PPFIA1: variants seen among roughly 807,000 people sequenced by gnomAD.
PPFIA1 encodes PPFI scaffold protein A1.
Under a neutral mutation model 149.9 loss-of-function variants are expected in PPFIA1, and 25 were observed. The observed-to-expected ratio is 0.17, with a 90% CI of 0.12 to 0.23. The LOEUF (loss-of-function observed/expected upper bound fraction) is 0.23, where lower values mean the gene tolerates loss of function less well. Ranked by LOEUF, PPFIA1 falls within the 10% of genes least tolerant of loss-of-function variation. PPFIA1 has a pLI of 1.00. For synonymous variants in PPFIA1, 549 were observed against 552.8 expected, an observed-to-expected ratio of 0.99 and a Z score of 0.10; for missense variants, 1,362 against 1,506.5, an observed-to-expected ratio of 0.90 and a Z score of 1.59.
intron 23 of PPFIA1, 70 bp downstream of exon 23, chr11:70,372,644 C>A: frequency 1.5e-6 from 2 of 1,292,314 alleles, no homozygotes; most frequent in Non-Finnish European, 2.2e-6. Context: ...TCAGTGACTT[C>A]CTATTTTTCA....
At chr11:70,326,074 C>T (rs1481242544) in intron 5 of PPFIA1, among the ~76,000 whole-genome samples, 188 bp from the exon 6 acceptor site, 1 of 152,152 alleles carries the variant, frequency 6.6e-6, no homozygotes, top group East Asian at 1.9e-4. Flanking sequence ...ACTCGTCTGG[C>T]CAGTGGATAA....
intron 21 of PPFIA1, among the ~76,000 whole-genome samples, chr11:70,368,180 G>A (rs2057051567): frequency 6.6e-6 from 1 of 152,138 alleles, no homozygotes; most frequent in South Asian, 2.1e-4. Flanking sequence ...GTAAGGTTTA[G>A]AAGAGTGAAT....
intron 7 of PPFIA1, chr11:70,327,074 G>A: frequency 2.3e-6 from 1 of 440,176 alleles, no homozygotes; most frequent in Non-Finnish European, 4.1e-6. Context: ...TGGCCATGAA[G>A]TGGACGCCAC....
At chr11:70,333,418 G>A in intron 9 of PPFIA1, 52 bp from the exon 10 acceptor site, 1 of 1,430,584 alleles carries the variant, frequency 7.0e-7, no homozygotes, top group Admixed American at 1.8e-5. Flanking sequence ...TATGCAGCAT[G>A]TCGTTAATGA....
At chr11:70,344,165 G>T (rs1007073080) in intron 15 of PPFIA1, among the ~76,000 whole-genome samples, 1 of 152,194 alleles carries the variant, frequency 6.6e-6, no homozygotes, top group Non-Finnish European at 1.5e-5. Flanking sequence ...TGAGAAGCTC[G>T]CCACATAGCT....
chr11:70,356,373 T>G (rs868220299), intron 19 of PPFIA1, 119 bp downstream of exon 19: 2 of 759,562 alleles, frequency 2.6e-6, no homozygotes, highest in Non-Finnish European at 4.3e-6. Flanking sequence ...TCTGAAAGCT[T>G]TACCTACAGC....
chr11:70,379,589 C>A, intron 26 of PPFIA1, among the ~76,000 whole-genome samples: 1 of 150,704 alleles, frequency 6.6e-6, no homozygotes. Flanking sequence ...CTAGCCTGGG[C>A]AACACAGTGA....
At chr11:70,306,172 C>T (rs1350193939) in intron 2 of PPFIA1, among the ~76,000 whole-genome samples, 3 of 151,842 alleles carry the variant, frequency 2.0e-5, no homozygotes, top group South Asian at 2.1e-4. Flanking sequence ...CGCTTACTTG[C>T]GAAGCAATCT....
At chr11:70,335,132 A>G (rs1270028225) in intron 10 of PPFIA1, among the ~76,000 whole-genome samples, 1 of 152,154 alleles carries the variant, frequency 6.6e-6, no homozygotes, top group Non-Finnish European at 1.5e-5. Flanking sequence ...TTTTTTTCCA[A>G]AACAAACTTT....
At chr11:70,338,831 C>T (rs11235953) in intron 13 of PPFIA1, among the ~76,000 whole-genome samples, 33,359 of 152,182 alleles carry the variant, frequency 0.22, 5,556 homozygotes, top group African/African-American at 0.46. Context: ...CTGTGTTTTT[C>T]GTCAGCCCTG....
Position 70,361,601 on chromosome 11 carries a change from G to A in PPFIA1, c.2583-494G>A, listed in dbSNP as rs544257509. On this transcript the variant is annotated intron_variant, in intron 19 of 27. Transcript: ENST00000253925. ...TGTATAATAGTGGTTCCTTGATTTT[G>A]TTTTTGCTGGTTGTAATTTTTTTTT... is the stretch of plus-strand genomic sequence containing the variant. 2.0e-5 allele frequency among the ~76,000 whole-genome samples: 3 copies of A among 150,654 alleles called. No homozygotes were observed. The South Asian group carries it at 6.3e-4, about 32-fold the overall frequency.
intron 2 of PPFIA1, among the ~76,000 whole-genome samples, chr11:70,295,697 C>T (rs571759174): frequency 0.19 from 26,238 of 138,650 alleles, 4,086 homozygotes; most frequent in African/African-American, 0.42. Flanking sequence ...TGACCCCCCC[C>T]ACCTCCCTCC....
chr11:70,375,162 T>C (rs1346649542), intron 24 of PPFIA1, 69 bp downstream of exon 24: 14 of 811,874 alleles, frequency 1.7e-5, no homozygotes, highest in South Asian at 4.6e-5. Context: ...CAGCTAGTTA[T>C]TCGAATAGAA....
rs761003247 is a variant in PPFIA1, at chr11:70,348,304, C to G, written c.2047C>G (p.Pro683Ala). ...GRFRSMSSIP[P>A]YPASSLASSS... Reference sequence around the variant, plus strand: ...TTTTAGATCAATGAGCTCCATTCCCCCCTACCCTGCTTCCTCGCTTGCTAG... The same window carrying G: ...TTTTAGATCAATGAGCTCCATTCCCGCCTACCCTGCTTCCTCGCTTGCTAG... Residue 683 changes from proline to alanine, a missense_variant, in exon 16 of 28, where the codon CCC becomes GCC. Around this residue, in one of 7 missense-constraint regions of PPFIA1, gnomAD observed 733 missense variants for 744.1 expected, o/e 0.99. Transcript: ENST00000253925. 3 of 1,614,180 alleles carry G rather than the reference C, an allele frequency of 1.9e-6. No homozygotes were observed. The highest frequency in any genetic ancestry group is 2.5e-6 in the Non-Finnish European group (3 of 1,180,030).
At chr11:70,323,722 G>C (rs551570860) in intron 2 of PPFIA1, among the ~76,000 whole-genome samples, 2 of 152,326 alleles carry the variant, frequency 1.3e-5, no homozygotes, top group South Asian at 2.1e-4. Context: ...ATGTTCACCT[G>C]TTTTCCTTGG....
At chr11:70,375,298 A>G (rs2057446603) in intron 24 of PPFIA1, 1 of 391,582 alleles carries the variant, frequency 2.6e-6, no homozygotes, top group African/African-American at 2.1e-5. Context: ...TAAACCAGAT[A>G]AGGACGATCT....
intron 21 of PPFIA1, among the ~76,000 whole-genome samples, chr11:70,369,246 AT>A (rs2057110008): frequency 6.6e-6 from 1 of 152,114 alleles, no homozygotes; most frequent in Non-Finnish European, 1.5e-5. Context: ...TTGAGATGAT[AT>A]GGTTTTTTTT....
intron 2 of PPFIA1, among the ~76,000 whole-genome samples, chr11:70,298,056 T>G (rs939233638): frequency 6.6e-6 from 1 of 152,192 alleles, no homozygotes; most frequent in Non-Finnish European, 1.5e-5. Flanking sequence ...TGCCATGTGA[T>G]TCTCTCCTCT....
chr11:70,338,419 C>G lies in PPFIA1; in HGVS notation c.1537C>G (p.His513Asp), dbSNP rs1363494007. ...NIEALRAELDHMRLRGASLHH... is the reference protein window; with the variant it reads ...NIEALRAELDDMRLRGASLHH... The stretch of plus-strand genomic sequence containing the variant: ...TGAAGCACTGAGGGCTGAACTAGAC[C>G]ACATGAGACTAAGAGGTGCTTCACT... The change falls in exon 13 of 28, where the codon CAC becomes GAC. Residue 513 changes from histidine (H) to aspartate (D), a missense_variant. His to Asp is a moderately conservative substitution (Grantham distance 81, BLOSUM62 -1). This residue lies in a region of PPFIA1 where 733 missense variants were observed against 744.1 expected (regional missense o/e 0.99). Transcript: ENST00000253925. The G allele has an allele frequency of 6.2e-7, 1 of 1,613,406 alleles. No individual in the cohort carries two copies. The highest frequency in any genetic ancestry group is 2.2e-5 in the East Asian group (1 of 44,880).
Sources: allele counts gnomAD v4.1 joint callset (sites outside exome capture counted in the v4.1 genomes callset), GRCh38; gene constraint gnomAD v4.1.1; regional missense constraint gnomAD v4.1.1; transcripts MANE v1.5; gene names NCBI Gene and HGNC (gene_info 2026-07-23, HGNC 2026-07-21).